Variants in ARPP21 observed in about 807,000 individuals in gnomAD.
ARPP21 encodes the protein cAMP-regulated phosphoprotein 21.
In ARPP21, 69 loss-of-function variants were observed where a neutral mutation model predicts 113.2. The observed-to-expected ratio is 0.61, with a 90% CI of 0.50 to 0.74. The LOEUF (loss-of-function observed/expected upper bound fraction) is 0.74, where lower values mean the gene tolerates loss of function less well. ARPP21 is among the 30% of genes least tolerant of loss of function. The pLI, the probability that ARPP21 is intolerant of heterozygous loss-of-function variation, is 0.00. For missense variants in ARPP21, 1,070 were observed against 1,037.4 expected, an observed-to-expected ratio of 1.03 and a Z score of -0.43; for synonymous variants, 368 against 375.5, an observed-to-expected ratio of 0.98 and a Z score of 0.23.
intron 13 of ARPP21, among the ~76,000 whole-genome samples, chr3:35,718,052 T>C (rs1429255110): frequency 6.6e-6 from 1 of 152,204 alleles, no homozygotes; most frequent in Non-Finnish European, 1.5e-5. Context: ...AATGTGTTAA[T>C]GTGTTTATGA....
chr3:35,659,568 A>G (rs985303595), intron 1 of ARPP21, among the ~76,000 whole-genome samples: 2 of 152,102 alleles, frequency 1.3e-5, no homozygotes, highest in Non-Finnish European at 1.5e-5. Context: ...CCTGACTCTC[A>G]TATCATTTCA....
intron 19 of ARPP21, among the ~76,000 whole-genome samples, chr3:35,769,933 A>C (rs2096135895): frequency 6.6e-6 from 1 of 152,186 alleles, no homozygotes; most frequent in African/African-American, 2.4e-5. Context: ...CAAAATAAGA[A>C]GTGTACAACT....
chr3:35,647,369 G>C (rs1700631655), intron 1 of ARPP21, among the ~76,000 whole-genome samples: 1 of 152,096 alleles, frequency 6.6e-6, no homozygotes, highest in Admixed American at 6.6e-5. Context: ...GGAAGCTGTA[G>C]ACAGAGATGT....
intron 1 of ARPP21, among the ~76,000 whole-genome samples, chr3:35,667,557 A>G (rs2074697846): frequency 1.3e-5 from 2 of 152,260 alleles, no homozygotes; most frequent in Admixed American, 6.5e-5. Context: ...TCAAAGAAGC[A>G]GTAATCTTTT....
At chr3:35,728,909 C>T (rs1029313876) in intron 14 of ARPP21, among the ~76,000 whole-genome samples, 2 of 152,066 alleles carry the variant, frequency 1.3e-5, no homozygotes, top group Non-Finnish European at 1.5e-5. Context: ...AACCACAATC[C>T]CTGTCATTTT....
At chr3:35,755,086 T>C (rs976492167) in intron 19 of ARPP21, among the ~76,000 whole-genome samples, 2 of 152,034 alleles carry the variant, frequency 1.3e-5, no homozygotes, top group Non-Finnish European at 2.9e-5. Context: ...ACCCTAAAAA[T>C]TTCAAACTGC....
chr3:35,779,397 G>T (rs1484383891), intron 19 of ARPP21, among the ~76,000 whole-genome samples: 1 of 152,170 alleles, frequency 6.6e-6, no homozygotes, highest in Non-Finnish European at 1.5e-5. Context: ...TGGCATGTAT[G>T]TTGGGGAAGT....
chr3:35,715,656 GA>G (rs142407814), intron 12 of ARPP21, 180 bp downstream of exon 12: 9,179 of 427,686 alleles, frequency 0.021, 112 homozygotes, highest in Non-Finnish European at 0.024. Flanking sequence ...ATCTAATTTG[GA>G]AAAAAAATTT....
intron 9 of ARPP21, among the ~76,000 whole-genome samples, chr3:35,696,795 A>C (rs906690566): frequency 6.6e-5 from 10 of 151,726 alleles, no homozygotes; most frequent in Admixed American, 6.6e-4. Context: ...TAGTGATCTT[A>C]TCAAAATATT....
chr3:35,715,745 A>G (rs2150175724), intron 12 of ARPP21: 1 of 256,676 alleles, frequency 3.9e-6, no homozygotes, highest in East Asian at 7.7e-5. Flanking sequence ...GCAAAGGTAT[A>G]CTTCCTATTA....
At chr3:35,736,581 G>T (rs137915958) in intron 15 of ARPP21, among the ~76,000 whole-genome samples, 13 of 152,298 alleles carry the variant, frequency 8.5e-5, no homozygotes, top group African/African-American at 3.1e-4. Context: ...AGATGATTCT[G>T]TGATGTACTA....
At chr3:35,759,141 T>C (rs1441532918) in intron 19 of ARPP21, among the ~76,000 whole-genome samples, 1 of 152,040 alleles carries the variant, frequency 6.6e-6, no homozygotes, top group African/African-American at 2.4e-5. Flanking sequence ...TTTCTCTGTA[T>C]ATTAAAAATT....
At chr3:35,665,347 C>G (rs537412574) in intron 1 of ARPP21, among the ~76,000 whole-genome samples, 2 of 151,158 alleles carry the variant, frequency 1.3e-5, no homozygotes, top group African/African-American at 4.9e-5. Flanking sequence ...AATATGATAA[C>G]AAGATCATAA....
chr3:35,642,160 T>C (rs186615629), intron 1 of ARPP21: 22 of 152,252 alleles, frequency 1.4e-4, no homozygotes, highest in Admixed American at 1.4e-3. Flanking sequence ...AAGACAGAAT[T>C]GTATGTGCTA....
intron 9 of ARPP21, among the ~76,000 whole-genome samples, chr3:35,701,311 C>T (rs1340826679): frequency 6.6e-6 from 1 of 151,676 alleles, no homozygotes; most frequent in Non-Finnish European, 1.5e-5. Context: ...ATCCTCATAT[C>T]ATTTAGAAGA....
intron 1 of ARPP21, among the ~76,000 whole-genome samples, chr3:35,675,974 G>T (rs1250441567): frequency 6.6e-6 from 1 of 151,716 alleles, no homozygotes; most frequent in South Asian, 2.1e-4. Flanking sequence ...CCCTCTTATA[G>T]TATCATTTTC....
chr3:35,741,250 T>A (rs1237794326), intron 18 of ARPP21, among the ~76,000 whole-genome samples: 1 of 152,224 alleles, frequency 6.6e-6, no homozygotes, highest in Non-Finnish European at 1.5e-5. Context: ...TTTCATTCCT[T>A]CTTTAACAGA....
Position 35,687,854 on chromosome 3 carries a change from A to G in ARPP21, c.377A>G (p.Glu126Gly), listed in dbSNP as rs2081073263. ...GATAAAAACAAAGATAAAACCTCTGAAAAACCCAAGATCAGAATGTTATCA... is the reference window on the plus strand; with the variant it reads ...GATAAAAACAAAGATAAAACCTCTGGAAAACCCAAGATCAGAATGTTATCA... ...EKDKNKDKTS[E>G]KPKIRMLSKD... Residue 126 changes from glutamate to glycine, a missense_variant, in exon 6 of 21, where the codon GAA becomes GGA. Transcript: ENST00000684406. 1.3e-6 allele frequency: 2 copies of G among 1,591,052 alleles called. No individual in the cohort carries two copies. The highest frequency in any genetic ancestry group is 1.4e-5 in the African/African-American group (1 of 72,854).
intron 1 of ARPP21, among the ~76,000 whole-genome samples, chr3:35,677,739 A>G (rs547326467): frequency 1.3e-5 from 2 of 152,114 alleles, no homozygotes; most frequent in African/African-American, 4.8e-5. Flanking sequence ...TGAAGAAAAG[A>G]TATTTGTTGA....
Sources: gnomAD v4.1 joint callset for allele counts (sites outside exome capture counted in the v4.1 genomes callset) on GRCh38, gnomAD v4.1.1 for gene constraint, MANE v1.5 for transcripts, NCBI Gene and HGNC (gene_info 2026-07-23, HGNC 2026-07-21) for gene names.